DHDDS: variants seen among roughly 807,000 people sequenced by gnomAD.
DHDDS encodes the protein dehydrodolichyl diphosphate synthase subunit.
Under a neutral mutation model 46.2 loss-of-function variants are expected in DHDDS, and 16 were observed. That is an observed-to-expected ratio of 0.35 (90% CI 0.23 to 0.53). DHDDS has a LOEUF of 0.53. Ranked by LOEUF, DHDDS falls within the 20% of genes least tolerant of loss-of-function variation. The probability of loss-of-function intolerance (pLI) is 0.94; values close to 1 mark genes in which losing one functional copy is unlikely to be tolerated. For synonymous variants in DHDDS, 151 were observed against 163.1 expected, an observed-to-expected ratio of 0.93 and a Z score of 0.56; for missense variants, 340 against 423.7, an observed-to-expected ratio of 0.80 and a Z score of 1.73.
At chr1:26,452,518 T>C (rs1026100938) in intron 6 of DHDDS, among the ~76,000 whole-genome samples, 1 of 152,226 alleles carries the variant, frequency 6.6e-6, no homozygotes, top group Admixed American at 6.5e-5. Context: ...TATAAAACAA[T>C]AGTGTTAATA....
chr1:26,437,283 TAAGATG>T (rs1557433710), intron 2 of DHDDS, among the ~76,000 whole-genome samples: 1 of 152,158 alleles, frequency 6.6e-6, no homozygotes, highest in Non-Finnish European at 1.5e-5. Context: ...ACTTGTATGA[TAAGATG>T]AAGTATAAGA....
At chr1:26,456,738 A>G (rs577163698) in intron 6 of DHDDS, among the ~76,000 whole-genome samples, 1 of 152,370 alleles carries the variant, frequency 6.6e-6, no homozygotes, top group South Asian at 2.1e-4. Flanking sequence ...GAAGTACATA[A>G]AGTAAAAAGA....
Position 26,435,860 on chromosome 1 carries a change from G to A in DHDDS, c.64-2308G>A, listed in dbSNP as rs543632900. Among the ~76,000 whole-genome samples, 12 of 152,038 alleles carry A rather than the reference G, an allele frequency of 7.9e-5. No homozygotes were observed. In the East Asian group the frequency reaches 9.7e-4, roughly 12 times the overall value. On this transcript the variant is annotated intron_variant, in intron 2 of 8. Transcript: ENST00000236342. ...GAATTCCTGACCTCGTGATCTGCCCGCCTTCGCCTCCCAAAGTGCTGAGAT... is the reference window on the plus strand; with the variant it reads ...GAATTCCTGACCTCGTGATCTGCCCACCTTCGCCTCCCAAAGTGCTGAGAT...
At chr1:26,462,529 A>G (rs191379840) in intron 8 of DHDDS, among the ~76,000 whole-genome samples, 83 of 152,166 alleles carry the variant, frequency 5.5e-4, no homozygotes, top group Non-Finnish European at 8.8e-4. Flanking sequence ...CTCCTCTTCC[A>G]TAGTATTTAC....
rs1057515469 is a variant in DHDDS at position 26,469,443 on chromosome 1, C to T, written c.*312C>T. On this transcript the variant is annotated 3_prime_UTR_variant, in exon 9 of 9. Coordinates refer to ENST00000236342, the MANE Select transcript of DHDDS (RefSeq NM_205861.3). ...CTCTTAGATGCACTTTCTTTTTCCA[C>T]CAGCACATCCTTCAACACACAGAAT... 1.3e-5 allele frequency: 6 copies of T among 473,894 alleles called. No homozygotes were observed. The highest frequency in any genetic ancestry group is 2.3e-5 in the Non-Finnish European group (6 of 256,094). 29.4% of individuals were successfully genotyped at this position (473,894 alleles called of 1,614,324 possible). A position where few individuals can be genotyped will look rare whatever the true frequency, so the allele number is the denominator to read the frequency against.
At chr1:26,461,861 G>A (rs2075425702) in intron 8 of DHDDS, among the ~76,000 whole-genome samples, 1 of 152,176 alleles carries the variant, frequency 6.6e-6, no homozygotes, top group Non-Finnish European at 1.5e-5. Flanking sequence ...AAGAAAAACA[G>A]CAAAGGCACA....
At chr1:26,461,844 T>C (rs2124510744) in intron 8 of DHDDS, among the ~76,000 whole-genome samples, 1 of 152,276 alleles carries the variant, frequency 6.6e-6, no homozygotes, top group Admixed American at 6.5e-5. Flanking sequence ...AGTTTAGAAT[T>C]AGTGAAAAGA....
chr1:26,436,298 T>C (rs911817257), intron 2 of DHDDS, among the ~76,000 whole-genome samples: 1 of 151,980 alleles, frequency 6.6e-6, no homozygotes, highest in Non-Finnish European at 1.5e-5. Context: ...ACTTGGGGAA[T>C]TGAAGTGGGA....
intron 8 of DHDDS, among the ~76,000 whole-genome samples, chr1:26,462,309 C>T (rs1384116639): frequency 6.6e-6 from 1 of 152,114 alleles, no homozygotes. Context: ...ACATGAGCCA[C>T]CATGCCTGGC....
chr1:26,466,543 C>T (rs1294496371), intron 8 of DHDDS, among the ~76,000 whole-genome samples: 2 of 152,216 alleles, frequency 1.3e-5, no homozygotes, highest in East Asian at 1.9e-4. Flanking sequence ...GAGCAGACAC[C>T]CTCCCAACTC....
At chr1:26,447,226 A>C (rs1260000405) in intron 5 of DHDDS, among the ~76,000 whole-genome samples, 1 of 152,146 alleles carries the variant, frequency 6.6e-6, no homozygotes, top group African/African-American at 2.4e-5. Context: ...AGGCTGAGGC[A>C]GAAGAATCGC....
chr1:26,468,069 C>G (rs528691614), intron 8 of DHDDS, among the ~76,000 whole-genome samples: 52 of 152,356 alleles, frequency 3.4e-4, no homozygotes, highest in Non-Finnish European at 6.5e-4. Context: ...TGATCACCAC[C>G]TGGTGTCAGA....
chr1:26,441,183 A>G (rs2075215804), intron 3 of DHDDS, among the ~76,000 whole-genome samples: 1 of 151,616 alleles, frequency 6.6e-6, no homozygotes, highest in Non-Finnish European at 1.5e-5. Flanking sequence ...TTGGCCTCCC[A>G]AAGTGCTGGG....
In DHDDS at chr1:26,470,541, C is replaced by G. The variant is rs989925355; in HGVS notation, c.*1410C>G. 1 of 152,316 alleles carries G rather than the reference C, an allele frequency of 6.6e-6. No individual in the cohort carries two copies. The highest frequency in any genetic ancestry group is 1.5e-5 in the Non-Finnish European group (1 of 68,022). 9.4% of individuals were successfully genotyped at this position (152,316 alleles called of 1,614,324 possible). On this transcript the variant is annotated 3_prime_UTR_variant, in exon 9 of 9. Coordinates refer to ENST00000236342, the MANE Select transcript of DHDDS (RefSeq NM_205861.3). ...TGTAGCAAGAGCACACAGGAAACCC[C>G]TAACTTTCCTATACCCCACCCGCCT...
At chr1:26,460,976 C>T (rs771350088) in intron 8 of DHDDS, among the ~76,000 whole-genome samples, 6 of 152,132 alleles carry the variant, frequency 3.9e-5, no homozygotes, top group Non-Finnish European at 8.8e-5. Flanking sequence ...TGGGTTTGAA[C>T]GATTCTCCTG....
rs149062674 is a variant in DHDDS at position 26,465,318 on chromosome 1, A to G, written c.766-3577A>G. Reference sequence around the variant, plus strand: ...TTCTTCTGCTCTTCAGGTTGTCACTATCTTCTCCTCAGGATAAAAGCTTGA... The same window carrying G: ...TTCTTCTGCTCTTCAGGTTGTCACTGTCTTCTCCTCAGGATAAAAGCTTGA... On this transcript the variant is annotated intron_variant, in intron 8 of 8. Coordinates refer to ENST00000236342, the MANE Select transcript of DHDDS (RefSeq NM_205861.3). 1.1e-3 allele frequency among the ~76,000 whole-genome samples: 163 copies of G among 152,278 alleles called. 4 individuals are homozygous for G. Among genetic ancestry groups the G allele is most frequent in the African/African-American group, 3.9e-3 (160 of 41,552 alleles).
chr1:26,432,841 G>A (rs1225699638), intron 1 of DHDDS, 50 bp from the exon 2 acceptor site: 3 of 1,214,836 alleles, frequency 2.5e-6, no homozygotes, highest in Non-Finnish European at 3.6e-6. Flanking sequence ...GTCAGTTATA[G>A]CTCTTCGCAA....
intron 4 of DHDDS, among the ~76,000 whole-genome samples, chr1:26,443,446 G>T (rs2075238115): frequency 1.3e-5 from 2 of 152,324 alleles, no homozygotes; most frequent in East Asian, 3.9e-4. Flanking sequence ...TTATGGGGAA[G>T]CATCAGTACC....
intron 3 of DHDDS, among the ~76,000 whole-genome samples, chr1:26,440,187 G>C (rs572703256): frequency 7.2e-5 from 11 of 152,164 alleles, no homozygotes; most frequent in African/African-American, 2.7e-4. Flanking sequence ...GTAGTTCACA[G>C]GTCCCAGTGT....
Sources: gnomAD v4.1 joint callset for allele counts (sites outside exome capture counted in the v4.1 genomes callset) on GRCh38, gnomAD v4.1.1 for gene constraint, MANE v1.5 for transcripts, NCBI Gene and HGNC (gene_info 2026-07-23, HGNC 2026-07-21) for gene names.